ST6GALNAC3: variants seen among roughly 807,000 people sequenced by gnomAD.
ST6GALNAC3 encodes ST6 N-acetylgalactosaminide alpha-2,6-sialyltransferase 3.
Under a neutral mutation model 32.7 loss-of-function variants are expected in ST6GALNAC3, and 25 were observed. The ratio of observed to expected loss-of-function variants is 0.76; its 90% CI spans 0.56 to 1.07. The LOEUF (loss-of-function observed/expected upper bound fraction) is 1.07. Ranked by LOEUF, ST6GALNAC3 falls within the 50% of genes least tolerant of loss-of-function variation. ST6GALNAC3 has a pLI of 0.00. For missense variants in ST6GALNAC3, 355 were observed against 382.4 expected (o/e 0.93, Z 0.60); for synonymous variants, 129 against 133.1 (o/e 0.97, Z 0.21).
chr1:76,586,240 T>C (rs911987454), intron 3 of ST6GALNAC3, among the ~76,000 whole-genome samples: 3 of 152,208 alleles, frequency 2.0e-5, no homozygotes, highest in African/African-American at 7.2e-5. Flanking sequence ...TGTGTCAACA[T>C]TGAAATTTAA....
intron 1 of ST6GALNAC3, among the ~76,000 whole-genome samples, chr1:76,234,753 A>C (rs945049378): frequency 5.3e-5 from 8 of 152,210 alleles, no homozygotes; most frequent in Non-Finnish European, 1.2e-4. Context: ...AGTCAATCTC[A>C]GCTTTCTAAA....
intron 1 of ST6GALNAC3, among the ~76,000 whole-genome samples, chr1:76,230,776 T>A (rs1431132174): frequency 6.6e-6 from 1 of 152,220 alleles, no homozygotes; most frequent in Admixed American, 6.5e-5. Flanking sequence ...CATTTGCCAG[T>A]TGGCAAACAT....
intron 3 of ST6GALNAC3, among the ~76,000 whole-genome samples, chr1:76,532,989 A>G (rs889733811): frequency 2.6e-5 from 4 of 152,120 alleles, no homozygotes; most frequent in African/African-American, 9.7e-5. Context: ...TTAATTTCAT[A>G]TTTATCATGA....
rs528376933 is a variant in ST6GALNAC3, at chr1:76,381,065, A to G, written c.214-30943A>G. ...CATCTGTTTATCTATCTAGTTAACT[A>G]TCTATTGTAGAGAAGGTTGTGGTGG... On this transcript the variant is annotated intron_variant, in intron 2 of 4. Coordinates refer to ENST00000328299, the MANE Select transcript of ST6GALNAC3 (RefSeq NM_152996.4). 2.6e-5 allele frequency among the ~76,000 whole-genome samples: 4 copies of G among 151,342 alleles called. No homozygotes were observed. The East Asian group carries it at 7.8e-4, about 30-fold the overall frequency.
chr1:76,553,071 G>C (rs905575962), intron 3 of ST6GALNAC3, among the ~76,000 whole-genome samples: 1 of 152,028 alleles, frequency 6.6e-6, no homozygotes, highest in Non-Finnish European at 1.5e-5. Flanking sequence ...TTTTATCCTA[G>C]GATAATAATA....
intron 1 of ST6GALNAC3, among the ~76,000 whole-genome samples, chr1:76,265,548 C>A (rs1658480410): frequency 6.6e-6 from 1 of 152,168 alleles, no homozygotes; most frequent in Non-Finnish European, 1.5e-5. Flanking sequence ...CATATTTCCC[C>A]TCAGCTCTTT....
intron 1 of ST6GALNAC3, among the ~76,000 whole-genome samples, chr1:76,213,091 A>G (rs1051810634): frequency 4.6e-5 from 7 of 152,244 alleles, no homozygotes; most frequent in African/African-American, 1.7e-4. Context: ...GGCAGAGACC[A>G]TGTATGCTAT....
intron 1 of ST6GALNAC3, among the ~76,000 whole-genome samples, chr1:76,301,985 T>G (rs1258825892): frequency 2.0e-5 from 3 of 152,022 alleles, no homozygotes; most frequent in Non-Finnish European, 4.4e-5. Flanking sequence ...CTTAAGGATG[T>G]GGGCTGAGGG....
chr1:76,384,304 T>G (rs758228196), intron 2 of ST6GALNAC3, among the ~76,000 whole-genome samples: 1 of 152,086 alleles, frequency 6.6e-6, no homozygotes, highest in Non-Finnish European at 1.5e-5. Context: ...AAAGATGCCA[T>G]GACATAGTGA....
intron 2 of ST6GALNAC3, among the ~76,000 whole-genome samples, chr1:76,406,808 C>T (rs1281637787): frequency 1.3e-5 from 2 of 151,692 alleles, no homozygotes. Flanking sequence ...TTCTTTTTAA[C>T]CTGAAAAATA....
chr1:76,362,602 G>A (rs1466491878), intron 2 of ST6GALNAC3, among the ~76,000 whole-genome samples: 1 of 152,208 alleles, frequency 6.6e-6, no homozygotes, highest in Non-Finnish European at 1.5e-5. Context: ...ATACAATGGG[G>A]TTATAGACAT....
At chr1:76,566,042 C>T (rs315010) in intron 3 of ST6GALNAC3, among the ~76,000 whole-genome samples, 34,319 of 152,048 alleles carry the variant, frequency 0.23, 5,718 homozygotes, top group African/African-American at 0.47. Flanking sequence ...TATCTTTGAT[C>T]AACTAAGATT....
intron 3 of ST6GALNAC3, among the ~76,000 whole-genome samples, chr1:76,422,690 G>A (rs546000226): frequency 6.6e-6 from 1 of 152,108 alleles, no homozygotes; most frequent in South Asian, 2.1e-4. Flanking sequence ...TCCAGGCAAT[G>A]TTGCTGCTGG....
chr1:76,551,902 T>C (rs1664658851), intron 3 of ST6GALNAC3, among the ~76,000 whole-genome samples: 2 of 152,126 alleles, frequency 1.3e-5, no homozygotes, highest in South Asian at 4.1e-4. Context: ...GAGGTCAACA[T>C]TTTCAGTTGC....
chr1:76,595,069 C>T lies in ST6GALNAC3; in HGVS notation c.624-32383C>T, dbSNP rs200131089. On this transcript the variant is annotated intron_variant, in intron 3 of 4. Coordinates refer to ENST00000328299, the MANE Select transcript of ST6GALNAC3 (RefSeq NM_152996.4). The stretch of plus-strand genomic sequence containing the variant: ...GCCAGGTATGTCCTGCAGACCCTGG[C>T]CGAGCAATGGATGAAAGGGGTACTC... Among the ~76,000 whole-genome samples, 7 of 152,158 alleles carry T rather than the reference C, an allele frequency of 4.6e-5. No individual in the cohort carries two copies. In the East Asian group the frequency reaches 1.4e-3, roughly 29 times the overall value.
intron 1 of ST6GALNAC3, among the ~76,000 whole-genome samples, chr1:76,145,436 G>C (rs940151376): frequency 6.6e-6 from 1 of 152,146 alleles, no homozygotes; most frequent in Non-Finnish European, 1.5e-5. Flanking sequence ...TGTTGGACAC[G>C]TGGAGTCTCA....
At position 76,570,857 on chromosome 1, in the gene ST6GALNAC3, A is replaced by G. The variant is rs559859485; in HGVS notation, c.624-56595A>G. Among the ~76,000 whole-genome samples the G allele has an allele frequency of 6.6e-5, 10 of 151,922 alleles. No individual in the cohort carries two copies. The South Asian group carries it at 1.2e-3, about 19-fold the overall frequency. ...CTTGGTACTCTCCTTTAATCGCTCAATGATTTCATACAGGCCCATGTCCTT... is the reference window on the plus strand; with the variant it reads ...CTTGGTACTCTCCTTTAATCGCTCAGTGATTTCATACAGGCCCATGTCCTT... On this transcript the variant is annotated intron_variant, in intron 3 of 4. Coordinates refer to ENST00000328299, the MANE Select transcript of ST6GALNAC3 (RefSeq NM_152996.4).
At chr1:76,481,762 A>G (rs11162165) in intron 3 of ST6GALNAC3, among the ~76,000 whole-genome samples, 37,872 of 152,040 alleles carry the variant, frequency 0.25, 6,368 homozygotes, top group African/African-American at 0.48. Context: ...GTGACAGATG[A>G]GATCTTATAA....
chr1:76,081,506 C>G (rs182641397), intron 1 of ST6GALNAC3, among the ~76,000 whole-genome samples: 4 of 152,294 alleles, frequency 2.6e-5, no homozygotes, highest in Admixed American at 1.3e-4. Context: ...GTCTAGACAA[C>G]TTCCTAATCT....
Sources: gnomAD v4.1 joint callset for allele counts (sites outside exome capture counted in the v4.1 genomes callset) on GRCh38, gnomAD v4.1.1 for gene constraint, MANE v1.5 for transcripts, NCBI Gene and HGNC (gene_info 2026-07-23, HGNC 2026-07-21) for gene names.